The following ADAMTS16 variants were observed in gnomAD, a reference collection of about 807,000 sequenced individuals.
The protein encoded by ADAMTS16 is ADAM metallopeptidase with thrombospondin type 1 motif 16, also known as A disintegrin and metalloproteinase with thrombospondin motifs 16.
A neutral mutation model predicts 145.8 loss-of-function variants in ADAMTS16; 94 were observed. That is an observed-to-expected ratio of 0.64 (90% CI 0.55 to 0.77). The LOEUF (loss-of-function observed/expected upper bound fraction) is 0.77, where lower values mean the gene tolerates loss of function less well. Among genes scored for constraint, ADAMTS16 ranks in the 30% least tolerant of loss-of-function variants. ADAMTS16 has a pLI of 0.00. For missense variants in ADAMTS16, 1,585 were observed against 1,591.5 expected (o/e 1.00, Z 0.07); for synonymous variants, 659 against 604.3 (o/e 1.09, Z -1.33).
At position 5,317,154 on chromosome 5, in the gene ADAMTS16, G is replaced by C. The variant is rs982924486; in HGVS notation, c.3412-980G>C. 6.6e-6 allele frequency among the ~76,000 whole-genome samples: 1 copy of C among 152,218 alleles called. No homozygotes were observed. Among genetic ancestry groups the C allele is most frequent in the Non-Finnish European group, 1.5e-5 (1 of 68,050 alleles). On this transcript the variant is annotated intron_variant, in intron 21 of 22. Transcript: ENST00000274181. The surrounding 1 kb of genome is among the most constrained non-coding windows in gnomAD (Gnocchi z 4.5). Reference sequence around the variant, plus strand: ...GGTCCTGGGGACAAGAGTTAGGGAAGTAAGTACCTTTGCGCCAGGTCCCAG... The same window carrying C: ...GGTCCTGGGGACAAGAGTTAGGGAACTAAGTACCTTTGCGCCAGGTCCCAG...
chr5:5,140,480 G>C lies in ADAMTS16; in HGVS notation c.13G>C (p.Ala5Pro). MKPRARGWRGLAALW... is the reference protein window; with the variant it reads MKPRPRGWRGLAALW... ...GGAGCGCTCCTGGATGAAGCCCCGC[G>C]CGCGCGGATGGCGGGGCTTGGCGGC... Residue 5 changes from alanine to proline, a missense_variant, in exon 1 of 23, where the codon GCG (alanine) becomes CCG (proline). By Grantham distance (27) the Ala-to-Pro change is conservative (BLOSUM62 -1). Coordinates refer to ENST00000274181, the MANE Select transcript of ADAMTS16 (RefSeq NM_139056.4). 6.6e-7 allele frequency: 1 copy of C among 1,514,890 alleles called. No individual in the cohort carries two copies. The highest frequency in any genetic ancestry group is 2.1e-5 in the Admixed American group (1 of 48,264). 93.8% of individuals were successfully genotyped at this position (1,514,890 alleles called of 1,614,324 possible). A position where few individuals can be genotyped will look rare whatever the true frequency, so the allele number is the denominator to read the frequency against.
intron 21 of ADAMTS16, among the ~76,000 whole-genome samples, chr5:5,309,728 C>T (rs1271791710): frequency 2.6e-5 from 4 of 151,988 alleles, no homozygotes; most frequent in African/African-American, 9.7e-5. Context: ...TGGCTGCTGA[C>T]CCATGATGCA....
At chr5:5,184,205 A>C (rs1735430871) in intron 4 of ADAMTS16, among the ~76,000 whole-genome samples, 1 of 151,896 alleles carries the variant, frequency 6.6e-6, no homozygotes, top group Admixed American at 6.6e-5. Context: ...TCACCTGTGC[A>C]TGGATGCACT....
At chr5:5,189,382 A>G (rs77581314) in intron 6 of ADAMTS16, among the ~76,000 whole-genome samples, 2,683 of 152,324 alleles carry the variant, frequency 0.018, 72 homozygotes, top group African/African-American at 0.062. Flanking sequence ...AGGAGGTTGA[A>G]CATGGCTTGC....
At chr5:5,234,657 G>T (rs373319356) in intron 12 of ADAMTS16, among the ~76,000 whole-genome samples, 2 of 152,098 alleles carry the variant, frequency 1.3e-5, no homozygotes, top group African/African-American at 4.8e-5. Context: ...GGACAACAGG[G>T]TCAAGAGATC....
chr5:5,250,414 G>T (rs1340656963), intron 17 of ADAMTS16, among the ~76,000 whole-genome samples: 1 of 152,104 alleles, frequency 6.6e-6, no homozygotes, highest in Non-Finnish European at 1.5e-5. Flanking sequence ...AGATTTTCAG[G>T]TTCTCCAACC....
intron 8 of ADAMTS16, among the ~76,000 whole-genome samples, chr5:5,194,928 G>A (rs546920088): frequency 7.9e-5 from 12 of 152,174 alleles, no homozygotes; most frequent in South Asian, 6.2e-4. Context: ...GTTTACATTC[G>A]GAGGACATTA....
intron 18 of ADAMTS16, among the ~76,000 whole-genome samples, chr5:5,300,604 T>G (rs1415131222): frequency 2.6e-5 from 4 of 152,224 alleles, no homozygotes; most frequent in Admixed American, 6.5e-5. Context: ...CCAAAGCAAG[T>G]AAAACGATCA....
intron 10 of ADAMTS16, among the ~76,000 whole-genome samples, chr5:5,218,790 C>T (rs748326210): frequency 3.3e-5 from 5 of 151,990 alleles, no homozygotes; most frequent in Non-Finnish European, 7.3e-5. Context: ...GCCCAGTGGC[C>T]AGACCCTTCT....
At chr5:5,215,841 G>GTATGTGTGTGTGTATATA (rs1736416549) in intron 10 of ADAMTS16, among the ~76,000 whole-genome samples, 3 of 108,538 alleles carry the variant, frequency 2.8e-5, no homozygotes, top group Admixed American at 1.1e-4. Flanking sequence ...TATGTGGTGT[G>GTATGTGTGTGTGTATATA]TATATATATA....
intron 8 of ADAMTS16, among the ~76,000 whole-genome samples, chr5:5,195,155 A>G (rs76840811): frequency 0.16 from 23,998 of 152,194 alleles, 2,078 homozygotes; most frequent in Middle Eastern, 0.21. Context: ...AGAGAGGAGG[A>G]GAGACTGGAA....
chr5:5,150,404 G>A (rs1734418614), intron 3 of ADAMTS16, among the ~76,000 whole-genome samples: 1 of 152,190 alleles, frequency 6.6e-6, no homozygotes, highest in South Asian at 2.1e-4. Flanking sequence ...GGCAGCAAGG[G>A]ACAGCTGAAG....
At chr5:5,240,075 G>A (rs905233030) in intron 16 of ADAMTS16, 150 bp downstream of exon 16, 9 of 1,293,434 alleles carry the variant, frequency 7.0e-6, no homozygotes, top group African/African-American at 5.9e-5. Context: ...CAGCAGGCTT[G>A]TTTTTATCAT....
chr5:5,159,950 T>G (rs1734697646), intron 3 of ADAMTS16, among the ~76,000 whole-genome samples: 1 of 152,230 alleles, frequency 6.6e-6, no homozygotes, highest in African/African-American at 2.4e-5. Flanking sequence ...TGTTTTTATT[T>G]GCAGAGATGA....
intron 21 of ADAMTS16, among the ~76,000 whole-genome samples, chr5:5,311,117 A>T (rs1740409504): frequency 6.6e-6 from 1 of 151,982 alleles, no homozygotes; most frequent in African/African-American, 2.4e-5. Context: ...TTGAGAAGTG[A>T]GGGACTTGCT....
intron 3 of ADAMTS16, among the ~76,000 whole-genome samples, chr5:5,177,434 A>G (rs925786731): frequency 2.0e-5 from 3 of 152,224 alleles, no homozygotes; most frequent in Admixed American, 6.5e-5. Flanking sequence ...AGGTTGAGAG[A>G]GCCCAGTGCC....
At chr5:5,300,412 G>A (rs185672984) in intron 18 of ADAMTS16, among the ~76,000 whole-genome samples, 11 of 152,072 alleles carry the variant, frequency 7.2e-5, no homozygotes, top group African/African-American at 2.2e-4. Flanking sequence ...CACTAATCTC[G>A]TTGACACTGG....
chr5:5,253,356 C>G (rs1473921347), intron 17 of ADAMTS16, among the ~76,000 whole-genome samples: 2 of 152,208 alleles, frequency 1.3e-5, no homozygotes, highest in East Asian at 1.9e-4. Flanking sequence ...CAAGTAGATA[C>G]AAGACAACAG....
At chr5:5,291,876 T>C (rs1739335352) in intron 18 of ADAMTS16, among the ~76,000 whole-genome samples, 1 of 152,238 alleles carries the variant, frequency 6.6e-6, no homozygotes, top group African/African-American at 2.4e-5. Flanking sequence ...CTTCTAGTGA[T>C]GTTACTATAT....
Sources: allele counts gnomAD v4.1 joint callset (sites outside exome capture counted in the v4.1 genomes callset), GRCh38; gene constraint gnomAD v4.1.1; non-coding constraint Gnocchi (gnomAD v3.1); transcripts MANE v1.5; gene names NCBI Gene and HGNC (gene_info 2026-07-23, HGNC 2026-07-21).